NALF1: variants seen among roughly 807,000 people sequenced by gnomAD.
NALF1 encodes the protein family with sequence similarity 155 member A.
A neutral mutation model predicts 48.4 loss-of-function variants in NALF1; 3 were observed. The ratio of observed to expected loss-of-function variants is 0.06; its 90% CI spans 0.03 to 0.16. The LOEUF (loss-of-function observed/expected upper bound fraction) is 0.16. Ranked by LOEUF, NALF1 falls within the 10% of genes least tolerant of loss-of-function variation. The pLI is 1.00. For missense variants in NALF1, 526 were observed against 571.5 expected (o/e 0.92, Z 0.81); for synonymous variants, 262 against 245.7 (o/e 1.07, Z -0.62).
At chr13:107,415,079 C>T (rs1463341967) in intron 1 of NALF1, among the ~76,000 whole-genome samples, 1 of 152,108 alleles carries the variant, frequency 6.6e-6, no homozygotes, top group African/African-American at 2.4e-5. Flanking sequence ...AGCCTAGCAA[C>T]ATTGGCATTG....
chr13:107,838,071 G>T (rs1812213), intron 1 of NALF1, among the ~76,000 whole-genome samples: 4,138 of 152,240 alleles, frequency 0.027, 124 homozygotes, highest in African/African-American at 0.071. Flanking sequence ...CTGGAAGCAC[G>T]GTAAACTCGG....
rs562735552 is a variant in NALF1, at chr13:107,295,023, G to T, written c.916-84268C>A. On this transcript the variant is annotated intron_variant, in intron 1 of 2. Coordinates refer to ENST00000375915, the MANE Select transcript of NALF1 (RefSeq NM_001080396.3). Reference sequence around the variant, plus strand: ...TTGACTTTTGTTTTAGATTCAGGGGGTGCATGTGCAAGTGTGTTACAAAGG... The same window carrying T: ...TTGACTTTTGTTTTAGATTCAGGGGTTGCATGTGCAAGTGTGTTACAAAGG... 1.0e-3 allele frequency among the ~76,000 whole-genome samples: 155 copies of T among 152,184 alleles called. 2 individuals carry two copies. The highest frequency in any genetic ancestry group is 3.6e-3 in the African/African-American group (150 of 41,528).
chr13:107,295,180 C>T (rs1237183069), intron 1 of NALF1, among the ~76,000 whole-genome samples: 7 of 152,068 alleles, frequency 4.6e-5, no homozygotes, highest in Non-Finnish European at 1.5e-5. Flanking sequence ...CTCTTGTGCC[C>T]ATCTTTGTGT....
At chr13:107,218,675 T>C (rs919373163) in intron 1 of NALF1, among the ~76,000 whole-genome samples, 2 of 152,206 alleles carry the variant, frequency 1.3e-5, no homozygotes, top group Admixed American at 1.3e-4. Flanking sequence ...GTCCACTTCA[T>C]GAAGTGAACC....
intron 1 of NALF1, among the ~76,000 whole-genome samples, chr13:107,414,179 T>TCAA (rs1884043916): frequency 1.3e-5 from 2 of 151,510 alleles, no homozygotes; most frequent in Non-Finnish European, 2.9e-5. Flanking sequence ...TTAAAAAACT[T>TCAA]CTCTTATTGA....
chr13:107,409,276 G>A (rs716504), intron 1 of NALF1, among the ~76,000 whole-genome samples: 1 of 151,978 alleles, frequency 6.6e-6, no homozygotes, highest in African/African-American at 2.4e-5. Context: ...CTAGATGTTG[G>A]AGATACAATG....
chr13:107,740,359 G>C (rs919545368), intron 1 of NALF1, among the ~76,000 whole-genome samples: 2 of 152,152 alleles, frequency 1.3e-5, no homozygotes, highest in Non-Finnish European at 2.9e-5. Context: ...AAGAGATACA[G>C]TCTGTGAGGC....
In NALF1 at chr13:107,489,799, A is replaced by G. The variant is rs1326233230; in HGVS notation, c.916-279044T>C. On this transcript the variant is annotated intron_variant, in intron 1 of 2. Transcript: ENST00000375915. ...AAAAGAAACTATCAACAGAGTAAAC[A>G]GACAACCCATGGAATGGGAGAAAAT... 2.0e-5 allele frequency among the ~76,000 whole-genome samples: 3 copies of G among 152,346 alleles called. No individual in the cohort carries two copies. In the East Asian group the frequency reaches 5.8e-4, roughly 29 times the overall value.
At chr13:107,377,305 A>G (rs969574114) in intron 1 of NALF1, among the ~76,000 whole-genome samples, 2 of 152,220 alleles carry the variant, frequency 1.3e-5, no homozygotes, top group Admixed American at 1.3e-4. Flanking sequence ...GCTAGAGAAG[A>G]AGGATCTGGA....
chr13:107,289,855 AT>A (rs1382355067), intron 1 of NALF1, among the ~76,000 whole-genome samples: 1 of 152,230 alleles, frequency 6.6e-6, no homozygotes, highest in East Asian at 1.9e-4. Context: ...GTCACATAGA[AT>A]AAATGAATGG....
chr13:107,590,510 A>C (rs1456831720), intron 1 of NALF1, among the ~76,000 whole-genome samples: 1 of 152,018 alleles, frequency 6.6e-6, no homozygotes. Context: ...AAAACCAAAA[A>C]GTCTTCCTAG....
intron 1 of NALF1, among the ~76,000 whole-genome samples, chr13:107,853,106 A>G (rs867379609): frequency 1.1e-4 from 17 of 152,282 alleles, no homozygotes; most frequent in African/African-American, 3.8e-4. Context: ...CATCACATGG[A>G]AAAAAAGGAA....
chr13:107,803,248 T>C (rs1345483110), intron 1 of NALF1, among the ~76,000 whole-genome samples: 1 of 152,122 alleles, frequency 6.6e-6, no homozygotes, highest in Non-Finnish European at 1.5e-5. Flanking sequence ...CTGGATCCAA[T>C]AGGTAAACAA....
At chr13:107,700,302 A>C (rs1003350671) in intron 1 of NALF1, among the ~76,000 whole-genome samples, 2 of 152,112 alleles carry the variant, frequency 1.3e-5, no homozygotes, top group African/African-American at 4.8e-5. Context: ...TCATAAAAAT[A>C]GAAACAAAAA....
At chr13:107,212,124 G>A (rs1022331984) in intron 1 of NALF1, among the ~76,000 whole-genome samples, 1 of 152,096 alleles carries the variant, frequency 6.6e-6, no homozygotes, top group East Asian at 1.9e-4. Context: ...CCATGCCCCG[G>A]GTCAATATCT....
intron 1 of NALF1, among the ~76,000 whole-genome samples, chr13:107,802,916 T>C (rs914181986): frequency 3.9e-5 from 6 of 152,298 alleles, no homozygotes; most frequent in Admixed American, 6.5e-5. Context: ...CAAGGGAAAG[T>C]TGGGGTCACA....
intron 1 of NALF1, among the ~76,000 whole-genome samples, chr13:107,380,701 G>A (rs7995196): frequency 0.073 from 11,138 of 152,056 alleles, 1,369 homozygotes; most frequent in African/African-American, 0.25. Context: ...TTAGTGGGCC[G>A]GGAGCGGTGG....
intron 1 of NALF1, among the ~76,000 whole-genome samples, chr13:107,435,890 C>A (rs1281669537): frequency 4.6e-5 from 7 of 152,236 alleles, no homozygotes; most frequent in Admixed American, 2.6e-4. Context: ...CCTACTTAAC[C>A]TGGGGCTGAG....
At chr13:107,796,599 T>C (rs1878431595) in intron 1 of NALF1, among the ~76,000 whole-genome samples, 1 of 152,210 alleles carries the variant, frequency 6.6e-6, no homozygotes, top group South Asian at 2.1e-4. Flanking sequence ...CTACTCTCGC[T>C]GCTTTATTGA....
Sources: allele counts gnomAD v4.1 joint callset (sites outside exome capture counted in the v4.1 genomes callset), GRCh38; gene constraint gnomAD v4.1.1; transcripts MANE v1.5; gene names NCBI Gene and HGNC (gene_info 2026-07-23, HGNC 2026-07-21).